The following PHACTR2 variants were observed in gnomAD, a reference collection of about 807,000 sequenced individuals.
The protein encoded by PHACTR2 is chromosome 6 open reading frame 56.
Under a neutral mutation model 76.0 loss-of-function variants are expected in PHACTR2, and 30 were observed. The ratio of observed to expected loss-of-function variants is 0.39; its 90% CI spans 0.30 to 0.54. The LOEUF (loss-of-function observed/expected upper bound fraction) is 0.54, where lower values mean the gene tolerates loss of function less well. PHACTR2 is among the 20% of genes least tolerant of loss of function. PHACTR2 has a pLI of 0.61. For synonymous variants in PHACTR2, 292 were observed against 292.5 expected (o/e 1.00, Z 0.02); for missense variants, 696 against 781.1 (o/e 0.89, Z 1.30).
rs568906424 is a variant in PHACTR2, at chr6:143,611,229, T to C, written c.13+2907T>C. Among the ~76,000 whole-genome samples, 8 of 152,288 alleles carry C rather than the reference T, an allele frequency of 5.3e-5. No individual in the cohort carries two copies. In the East Asian group the frequency reaches 1.2e-3, roughly 22 times the overall value. ...TGATATCAAGATATTTCAGTTACCA[T>C]GTGTGGGTTGAAAGAGCCACACTCA... On this transcript the variant is annotated intron_variant, in intron 1 of 11. Transcript: ENST00000305766. The surrounding 1 kb of genome is among the most constrained non-coding windows in gnomAD (Gnocchi z 4.4).
chr6:143,743,756 C>T lies in PHACTR2; in HGVS notation c.215-5229C>T, dbSNP rs1778994529. ...CAGTGAGGCCATTCAGTACTCAGAA[C>T]TGAGAAGATAGCATGGCACGCTTAT... On this transcript the variant is annotated intron_variant, in intron 2 of 12. Coordinates refer to ENST00000440869, the MANE Select transcript of PHACTR2 (RefSeq NM_001100164.2). This position sits in a 1 kb window ranked among gnomAD's most constrained non-coding sequence, Gnocchi z 5.0. 6.6e-6 allele frequency among the ~76,000 whole-genome samples: 1 copy of T among 152,192 alleles called. No individual in the cohort carries two copies. Among genetic ancestry groups the T allele is most frequent in the Admixed American group, 6.5e-5 (1 of 15,282 alleles).
chr6:143,814,177 G>A (rs1322877980), intron 12 of PHACTR2, among the ~76,000 whole-genome samples: 1 of 152,128 alleles, frequency 6.6e-6, no homozygotes, highest in East Asian at 1.9e-4. Context: ...CCAACATGGA[G>A]AATCCCTGTC....
At chr6:143,729,195 T>C in intron 2 of PHACTR2, among the ~76,000 whole-genome samples, 1 of 152,278 alleles carries the variant, frequency 6.6e-6, no homozygotes, top group African/African-American at 2.4e-5. Flanking sequence ...GGGTTATTTG[T>C]TTTCTTACTA....
chr6:143,771,062 A>T (rs1205835388), intron 6 of PHACTR2, among the ~76,000 whole-genome samples: 1 of 143,504 alleles, frequency 7.0e-6, no homozygotes, highest in East Asian at 2.0e-4. Context: ...GAAAACACAC[A>T]TAGGATAAAT....
Position 143,821,428 on chromosome 6 carries a change from C to T in PHACTR2, c.1923-2246C>T, listed in dbSNP as rs775240262. Among the ~76,000 whole-genome samples the T allele has an allele frequency of 6.6e-5, 10 of 152,284 alleles. No individual in the cohort carries two copies. The highest frequency in any genetic ancestry group is 2.1e-4 in the South Asian group (1 of 4,820). ...GTAATGCTTGTATTCAACACAGTGA[C>T]GTTTAGTAAGTACTATCACGTGCCG... On this transcript the variant is annotated intron_variant, in intron 12 of 12. Transcript: ENST00000440869. The surrounding 1 kb of genome is among the most constrained non-coding windows in gnomAD (Gnocchi z 5.2).
chr6:143,687,746 A>T (rs1318834735), intron 1 of PHACTR2, among the ~76,000 whole-genome samples: 1 of 152,204 alleles, frequency 6.6e-6, no homozygotes, highest in Non-Finnish European at 1.5e-5. Flanking sequence ...ACACTAAGGA[A>T]ATTTGGCTGC....
chr6:143,640,995 C>T (rs1776553936), intron 1 of PHACTR2, among the ~76,000 whole-genome samples: 1 of 152,086 alleles, frequency 6.6e-6, no homozygotes, highest in Non-Finnish European at 1.5e-5. Flanking sequence ...ATATCTGAGA[C>T]AGGGTAATTT....
At chr6:143,694,223 G>A (rs1331739906) in intron 1 of PHACTR2, among the ~76,000 whole-genome samples, 2 of 147,378 alleles carry the variant, frequency 1.4e-5, no homozygotes, top group Non-Finnish European at 1.5e-5. Flanking sequence ...AGTAGAAGGA[G>A]GAAGGAAAAA....
In PHACTR2 at chr6:143,809,117, C is replaced by G. The variant is rs1027610206; in HGVS notation, c.1922+1984C>G. Among the ~76,000 whole-genome samples the G allele has an allele frequency of 2.0e-5, 3 of 152,236 alleles. No individual in the cohort carries two copies. Among genetic ancestry groups the G allele is most frequent in the Non-Finnish European group, 2.9e-5 (2 of 67,996 alleles). On this transcript the variant is annotated intron_variant, in intron 12 of 12. Coordinates refer to ENST00000440869, the MANE Select transcript of PHACTR2 (RefSeq NM_001100164.2). The surrounding 1 kb of genome is among the most constrained non-coding windows in gnomAD (Gnocchi z 4.2). ...ATAGTTTTGCTTCTGCATAGTTTTCCTAGAAGTTGGAGTATCTGATAGCCT... is the reference window on the plus strand; with the variant it reads ...ATAGTTTTGCTTCTGCATAGTTTTCGTAGAAGTTGGAGTATCTGATAGCCT...
At chr6:143,725,121 C>G (rs112029521) in intron 2 of PHACTR2, among the ~76,000 whole-genome samples, 1 of 149,936 alleles carries the variant, frequency 6.7e-6, no homozygotes, top group South Asian at 2.1e-4. Context: ...TTTTAATATA[C>G]GTATAGTTTT....
chr6:143,551,424 G>T (rs1482782250), intron 1 of PHACTR2, among the ~76,000 whole-genome samples: 2 of 152,200 alleles, frequency 1.3e-5, no homozygotes, highest in African/African-American at 4.8e-5. Flanking sequence ...CCTCAGATAA[G>T]TGTGGATTAC....
intron 1 of PHACTR2, among the ~76,000 whole-genome samples, chr6:143,552,062 T>G: frequency 6.6e-6 from 1 of 152,236 alleles, no homozygotes; most frequent in East Asian, 1.9e-4. Context: ...GAGTTCACTT[T>G]GAGTAGTAGA....
rs1776849048 is a variant in PHACTR2, at chr6:143,656,302, C to A, written c.13+47980C>A. Reference sequence around the variant, plus strand: ...CTTGTCTGCAAACTGAGAGATCTCTCAAGTCTTTCCTGGCTGTAACAGTTA... The same window carrying A: ...CTTGTCTGCAAACTGAGAGATCTCTAAAGTCTTTCCTGGCTGTAACAGTTA... On this transcript the variant is annotated intron_variant, in intron 1 of 11. Transcript: ENST00000305766. The surrounding 1 kb of genome is among the most constrained non-coding windows in gnomAD (Gnocchi z 5.3). Among the ~76,000 whole-genome samples, 1 of 152,158 alleles carries A rather than the reference C, an allele frequency of 6.6e-6. No homozygotes were observed. The highest frequency in any genetic ancestry group is 6.5e-5 in the Admixed American group (1 of 15,280).
intron 2 of PHACTR2, among the ~76,000 whole-genome samples, chr6:143,725,194 C>T (rs1778533740): frequency 7.5e-6 from 1 of 132,646 alleles, no homozygotes; most frequent in Non-Finnish European, 1.6e-5. Context: ...CTCCTTTGTG[C>T]TGTCTTTTTT....
rs1777814114 is a variant in PHACTR2, at chr6:143,698,166, G to T, written c.47-13850G>T. On this transcript the variant is annotated intron_variant, in intron 1 of 12. Coordinates refer to ENST00000440869, the MANE Select transcript of PHACTR2 (RefSeq NM_001100164.2). This position sits in a 1 kb window ranked among gnomAD's most constrained non-coding sequence, Gnocchi z 4.3. ...GGAATAAGCTAGTTGGTTTGATGGTGCTCTAATTGGATTCAGAGGCTTTCT... is the reference window on the plus strand; with the variant it reads ...GGAATAAGCTAGTTGGTTTGATGGTTCTCTAATTGGATTCAGAGGCTTTCT... Among the ~76,000 whole-genome samples the T allele has an allele frequency of 6.6e-6, 1 of 152,116 alleles. No individual in the cohort carries two copies. The highest frequency in any genetic ancestry group is 2.1e-4 in the South Asian group (1 of 4,822).
intron 1 of PHACTR2, among the ~76,000 whole-genome samples, chr6:143,622,305 T>C (rs1019621874): frequency 6.6e-6 from 1 of 152,132 alleles, no homozygotes; most frequent in African/African-American, 2.4e-5. Context: ...CCACCTCTGG[T>C]CATGTAGTCC....
chr6:143,660,070 A>G (rs1776920369), intron 1 of PHACTR2, among the ~76,000 whole-genome samples: 1 of 152,066 alleles, frequency 6.6e-6, no homozygotes, highest in Non-Finnish European at 1.5e-5. Flanking sequence ...CTCATTTGTA[A>G]ATGGTGTTCT....
chr6:143,637,483 G>T (rs1776479734), intron 1 of PHACTR2, among the ~76,000 whole-genome samples: 1 of 152,194 alleles, frequency 6.6e-6, no homozygotes. Flanking sequence ...CGAAATTGAA[G>T]TATATTCATT....
In PHACTR2 at chr6:143,767,863, A is replaced by G. The variant is rs1286623806; in HGVS notation, c.1232+2065A>G. Reference sequence around the variant, plus strand: ...TGTTTTGTTTTGTTTTTTGAGACAGAATCTTGCACTGTCACCCAGGCTGGA... The same window carrying G: ...TGTTTTGTTTTGTTTTTTGAGACAGGATCTTGCACTGTCACCCAGGCTGGA... On this transcript the variant is annotated intron_variant, in intron 6 of 12. Coordinates refer to ENST00000440869, the MANE Select transcript of PHACTR2 (RefSeq NM_001100164.2). The surrounding 1 kb of genome is among the most constrained non-coding windows in gnomAD (Gnocchi z 4.4). Among the ~76,000 whole-genome samples the G allele has an allele frequency of 2.0e-5, 3 of 152,156 alleles. No homozygotes were observed. Among genetic ancestry groups the G allele is most frequent in the Non-Finnish European group, 2.9e-5 (2 of 68,026 alleles).
Sources: allele counts gnomAD v4.1 joint callset (sites outside exome capture counted in the v4.1 genomes callset), GRCh38; gene constraint gnomAD v4.1.1; non-coding constraint Gnocchi (gnomAD v3.1); transcripts MANE v1.5; gene names NCBI Gene and HGNC (gene_info 2026-07-23, HGNC 2026-07-21).